CLDN14: variants seen among roughly 807,000 people sequenced by gnomAD.
CLDN14 encodes claudin 14.
A neutral mutation model predicts 2.1 loss-of-function variants in CLDN14; 2 were observed. The ratio of observed to expected loss-of-function variants is 0.96; its 90% CI spans 0.39 to 3.01. The LOEUF is 3.01. Ranked by LOEUF, CLDN14 falls within the 30% of genes most tolerant of loss-of-function variation. The probability of loss-of-function intolerance (pLI) is 0.09; values close to 1 mark genes in which losing one functional copy is unlikely to be tolerated. For missense variants in CLDN14, 298 were observed against 328.0 expected (o/e 0.91, Z 0.71); for synonymous variants, 136 against 154.4 (o/e 0.88, Z 0.88).
At chr21:36,519,197 C>T (rs765130185) in intron 1 of CLDN14, among the ~76,000 whole-genome samples, 7 of 152,192 alleles carry the variant, frequency 4.6e-5, no homozygotes, top group South Asian at 4.1e-4. Flanking sequence ...TTTAATCATA[C>T]GAAGGAACTG....
At chr21:36,549,209 A>G (rs1008506541) in intron 1 of CLDN14, among the ~76,000 whole-genome samples, 2 of 150,534 alleles carry the variant, frequency 1.3e-5, no homozygotes, top group African/African-American at 4.9e-5. Context: ...AGAAATGGAG[A>G]TTGAAAGACA....
At chr21:36,539,202 A>C (rs1332343058) in intron 1 of CLDN14, among the ~76,000 whole-genome samples, 2 of 152,268 alleles carry the variant, frequency 1.3e-5, no homozygotes, top group Non-Finnish European at 2.9e-5. Context: ...TCAGACGGGA[A>C]TATAAGTTTG....
chr21:36,508,716 G>C (rs2087156586), intron 2 of CLDN14, among the ~76,000 whole-genome samples: 1 of 152,220 alleles, frequency 6.6e-6, no homozygotes, highest in Non-Finnish European at 1.5e-5. Flanking sequence ...GTTTCTGTTA[G>C]CCAGGGTGGG....
chr21:36,539,555 G>A (rs1689441663), intron 1 of CLDN14, among the ~76,000 whole-genome samples: 4 of 150,266 alleles, frequency 2.7e-5, no homozygotes, highest in African/African-American at 7.3e-5. Context: ...TGTGGAGTGT[G>A]TGTGGAGTGA....
intron 1 of CLDN14, among the ~76,000 whole-genome samples, chr21:36,472,270 A>C (rs1307073858): frequency 6.6e-6 from 1 of 151,948 alleles, no homozygotes; most frequent in Non-Finnish European, 1.5e-5. Flanking sequence ...GGAAGAGGTC[A>C]GTTTCTATAT....
At chr21:36,473,293 C>G (rs1568846510) in intron 1 of CLDN14, among the ~76,000 whole-genome samples, 2 of 152,144 alleles carry the variant, frequency 1.3e-5, no homozygotes, top group Non-Finnish European at 2.9e-5. Context: ...CACTATGTTG[C>G]CCAGCCTGGT....
At chr21:36,552,339 CAAGT>C (rs1034119627) in intron 1 of CLDN14, among the ~76,000 whole-genome samples, 3 of 152,308 alleles carry the variant, frequency 2.0e-5, no homozygotes, top group South Asian at 2.1e-4. Context: ...TCTTAACAGA[CAAGT>C]GGGCTTTCTG....
intron 2 of CLDN14, among the ~76,000 whole-genome samples, chr21:36,503,555 G>T (rs1316888882): frequency 2.6e-5 from 4 of 152,256 alleles, no homozygotes; most frequent in Admixed American, 2.0e-4. Context: ...GACATGACTT[G>T]CTCCTCTTTT....
intron 1 of CLDN14, among the ~76,000 whole-genome samples, chr21:36,475,242 A>G (rs2086762534): frequency 6.6e-6 from 1 of 152,228 alleles, no homozygotes; most frequent in Admixed American, 6.5e-5. Flanking sequence ...ATGAAGGCAG[A>G]CAGCCAAGGG....
chr21:36,468,047 A>G (rs1311312925), intron 1 of CLDN14, among the ~76,000 whole-genome samples: 2 of 152,202 alleles, frequency 1.3e-5, no homozygotes, highest in African/African-American at 4.8e-5. Context: ...GCCATTATAT[A>G]TGTTTGCCCT....
chr21:36,515,789 C>CTTTTTTTTTTT lies in CLDN14; in HGVS notation c.-219-5300_-219-5290dup, dbSNP rs1555850517. 1.9e-3 allele frequency among the ~76,000 whole-genome samples: 222 copies of CTTTTTTTTTTT among 115,300 alleles called. 7 individuals are homozygous for CTTTTTTTTTTT. Among genetic ancestry groups the CTTTTTTTTTTT allele is most frequent in the African/African-American group, 7.0e-3 (196 of 28,198 alleles). 75.6% of individuals were successfully genotyped at this position (115,300 alleles called of 152,430 possible). On this transcript the variant is annotated intron_variant, in intron 1 of 2. Transcript: ENST00000342108. ...AAGCTGTGTTTCCCTTTTATCTTCT[C>CTTTTTTTTTTT]TTTTTTTTTTTTTTTGAGACAGAGT...
intron 1 of CLDN14, among the ~76,000 whole-genome samples, chr21:36,521,685 T>C (rs2087272139): frequency 6.6e-6 from 1 of 152,134 alleles, no homozygotes; most frequent in Non-Finnish European, 1.5e-5. Context: ...AAGCTGGTGG[T>C]CACTGCTGGG....
At chr21:36,501,483 G>A (rs2087092080) in intron 2 of CLDN14, among the ~76,000 whole-genome samples, 1 of 151,538 alleles carries the variant, frequency 6.6e-6, no homozygotes, top group South Asian at 2.1e-4. Context: ...CATTCAAAGA[G>A]CACAGACAAG....
At chr21:36,481,394 T>A (rs1254258955), upstream of CLDN14, among the ~76,000 whole-genome samples, 1 of 152,202 alleles carries the variant, frequency 6.6e-6, no homozygotes, top group African/African-American at 2.4e-5. Flanking sequence ...GTGCCCATAT[T>A]ATCTATAATT....
intron 2 of CLDN14, among the ~76,000 whole-genome samples, chr21:36,509,318 A>C (rs2087164321): frequency 6.6e-6 from 1 of 152,172 alleles, no homozygotes. Flanking sequence ...GGAAAGCAGG[A>C]GTGGCTCTTT....
chr21:36,465,085 A>G (rs1217390125), intron 1 of CLDN14, among the ~76,000 whole-genome samples: 1 of 152,182 alleles, frequency 6.6e-6, no homozygotes, highest in Admixed American at 6.5e-5. Flanking sequence ...AAACTAAGAC[A>G]GTCCCAAGGA....
intron 1 of CLDN14, among the ~76,000 whole-genome samples, chr21:36,463,733 G>A (rs1330282913): frequency 1.3e-5 from 2 of 151,668 alleles, no homozygotes; most frequent in African/African-American, 2.4e-5. Context: ...AAAATAAAAT[G>A]AAATAAAATA....
intron 2 of CLDN14, chr21:36,486,998 T>G: frequency 2.9e-6 from 1 of 350,136 alleles, no homozygotes; most frequent in Admixed American, 4.0e-5. Context: ...TTTTTTTTTT[T>G]TTTTGAGACT....
chr21:36,540,284 C>T (rs1034638689), intron 1 of CLDN14, among the ~76,000 whole-genome samples: 2 of 152,062 alleles, frequency 1.3e-5, no homozygotes, highest in African/African-American at 4.8e-5. Context: ...TGCAAATCAT[C>T]CCTAGATGAC....
Sources: allele counts gnomAD v4.1 joint callset (sites outside exome capture counted in the v4.1 genomes callset), GRCh38; gene constraint gnomAD v4.1.1; transcripts MANE v1.5; gene names NCBI Gene and HGNC (gene_info 2026-07-23, HGNC 2026-07-21).